EFCAB11: variants seen among roughly 807,000 people sequenced by gnomAD.
EFCAB11 encodes EF-hand calcium binding domain 11.
In EFCAB11, 14 loss-of-function variants were observed where a neutral mutation model predicts 23.0. The observed-to-expected ratio is 0.61, with a 90% confidence interval of 0.40 to 0.95. The LOEUF is 0.95. Ranked by LOEUF, EFCAB11 falls within the 40% of genes least tolerant of loss-of-function variation. The pLI, the probability that EFCAB11 is intolerant of heterozygous loss-of-function variation, is 0.00. For missense variants in EFCAB11, 198 were observed against 195.8 expected (o/e 1.01, Z -0.07); for synonymous variants, 65 against 66.6 (o/e 0.98, Z 0.11).
chr14:89,938,766 A>G (rs1431433381), intron 3 of EFCAB11, among the ~76,000 whole-genome samples: 1 of 151,946 alleles, frequency 6.6e-6, no homozygotes, highest in Non-Finnish European at 1.5e-5. Flanking sequence ...TACTAAAAAC[A>G]CAAAAACTAG....
intron 5 of EFCAB11, among the ~76,000 whole-genome samples, chr14:89,813,869 G>A (rs1886234732): frequency 6.6e-6 from 1 of 152,074 alleles, no homozygotes; most frequent in African/African-American, 2.4e-5. Flanking sequence ...AGATGTTACG[G>A]GCAGAACTTT....
At chr14:89,930,250 T>G (rs1468380290) in intron 5 of EFCAB11, among the ~76,000 whole-genome samples, 1 of 152,252 alleles carries the variant, frequency 6.6e-6, no homozygotes, top group African/African-American at 2.4e-5. Context: ...TGATAATGAC[T>G]GCAAATCTTC....
intron 5 of EFCAB11, among the ~76,000 whole-genome samples, chr14:89,893,878 C>T (rs28699034): frequency 0.32 from 47,597 of 151,044 alleles, 11,305 homozygotes; most frequent in African/African-American, 0.67. Context: ...ACTATACATA[C>T]ATATACACAG....
In EFCAB11 at chr14:89,861,875, G is replaced by A. The variant is rs148821409; in HGVS notation, c.411-64551C>T. On this transcript the variant is annotated intron_variant, in intron 5 of 5. Coordinates refer to ENST00000316738, the MANE Select transcript of EFCAB11 (RefSeq NM_145231.4). The stretch of plus-strand genomic sequence containing the variant: ...TGGACTTCCCAGCCTCTAGAACTGT[G>A]AGAAATAAATTTCTTTTCTTTATAC... Among the ~76,000 whole-genome samples, 608 of 152,292 alleles carry A rather than the reference G, an allele frequency of 4.0e-3. 5 individuals are homozygous for A. The highest frequency in any genetic ancestry group is 0.014 in the African/African-American group (580 of 41,546).
intron 5 of EFCAB11, among the ~76,000 whole-genome samples, chr14:89,930,204 G>C (rs1371289428): frequency 6.6e-6 from 1 of 152,176 alleles, no homozygotes; most frequent in Non-Finnish European, 1.5e-5. Context: ...GCTTGTCAAT[G>C]ATGCAGCAAA....
chr14:89,902,834 C>T (rs1889383726), intron 5 of EFCAB11, among the ~76,000 whole-genome samples: 1 of 152,164 alleles, frequency 6.6e-6, no homozygotes, highest in Admixed American at 6.5e-5. Context: ...TAATTATATT[C>T]TGTTACTAAA....
chr14:89,903,994 T>C (rs934921065), intron 5 of EFCAB11, among the ~76,000 whole-genome samples: 1 of 152,164 alleles, frequency 6.6e-6, no homozygotes, highest in African/African-American at 2.4e-5. Flanking sequence ...TAATTATTAT[T>C]ATACTTTAAG....
intron 3 of EFCAB11, among the ~76,000 whole-genome samples, chr14:89,948,915 G>A (rs1414624539): frequency 6.6e-6 from 1 of 151,778 alleles, no homozygotes; most frequent in Non-Finnish European, 1.5e-5. Flanking sequence ...CCTAGTATTT[G>A]ATAGTACAGA....
chr14:89,816,461 T>C (rs1886340669), intron 5 of EFCAB11, among the ~76,000 whole-genome samples: 1 of 152,216 alleles, frequency 6.6e-6, no homozygotes. Flanking sequence ...AGAAATATGT[T>C]CTTCTCATAA....
chr14:89,814,066 G>A (rs1349276908), intron 5 of EFCAB11, among the ~76,000 whole-genome samples: 1 of 140,060 alleles, frequency 7.1e-6, no homozygotes, highest in African/African-American at 2.6e-5. Context: ...AGCTCCCTGG[G>A]GGGAGAAAAA....
chr14:89,811,421 ATGTGCTATCCC>A (rs1886147759), intron 5 of EFCAB11, among the ~76,000 whole-genome samples: 1 of 152,180 alleles, frequency 6.6e-6, no homozygotes, highest in Admixed American at 6.5e-5. Context: ...AAAGGTATCC[ATGTGCTATCCC>A]CAGCACCTGT....
At chr14:89,877,298 A>G (rs1401965842) in intron 5 of EFCAB11, among the ~76,000 whole-genome samples, 1 of 152,084 alleles carries the variant, frequency 6.6e-6, no homozygotes, top group Admixed American at 6.5e-5. Context: ...TCGGCCTCCC[A>G]AAGTGCTAGG....
At chr14:89,839,562 G>A (rs1221908358) in intron 5 of EFCAB11, among the ~76,000 whole-genome samples, 1 of 152,054 alleles carries the variant, frequency 6.6e-6, no homozygotes, top group Non-Finnish European at 1.5e-5. Flanking sequence ...AAAACAAGAG[G>A]GAAACAAGTG....
At chr14:89,835,585 C>CGTGTGTGTGTGTGTGTGTGTGTGTGT (rs67831579) in intron 5 of EFCAB11, among the ~76,000 whole-genome samples, 15 of 93,394 alleles carry the variant, frequency 1.6e-4, no homozygotes, top group East Asian at 7.0e-4. Context: ...GGATGCTCAA[C>CGTGTGTGTGTGTGTGTGTGTGTGTGT]GTGTGTGTGT....
At chr14:89,915,709 A>T (rs1889819199) in intron 5 of EFCAB11, among the ~76,000 whole-genome samples, 2 of 152,196 alleles carry the variant, frequency 1.3e-5, no homozygotes, top group South Asian at 4.1e-4. Flanking sequence ...CACCAAAGTT[A>T]ATTTGATTTA....
At chr14:89,948,827 A>G (rs900125739) in intron 3 of EFCAB11, among the ~76,000 whole-genome samples, 1 of 152,042 alleles carries the variant, frequency 6.6e-6, no homozygotes, top group African/African-American at 2.4e-5. Flanking sequence ...TGGTTACCAG[A>G]GGCTGGGAAG....
At chr14:89,904,957 T>C (rs1443626162) in intron 5 of EFCAB11, among the ~76,000 whole-genome samples, 2 of 152,040 alleles carry the variant, frequency 1.3e-5, no homozygotes, top group African/African-American at 2.4e-5. Context: ...ACCCCTCAGG[T>C]TTTGAGATTT....
rs1243964244 is a variant in EFCAB11 at position 89,797,188 on chromosome 14, G to C, written c.*55C>G. 1 of 1,491,662 alleles carries C rather than the reference G, an allele frequency of 6.7e-7. No homozygotes were observed. Among genetic ancestry groups the C allele is most frequent in the Non-Finnish European group, 9.3e-7 (1 of 1,078,232 alleles). The allele number at this position is 1,491,662 out of a possible 1,614,324, so 92.4% of individuals were successfully genotyped here. A position where few individuals can be genotyped will look rare whatever the true frequency, so the allele number is the denominator to read the frequency against. On this transcript the variant is annotated 3_prime_UTR_variant, in exon 6 of 6. Transcript: ENST00000316738. ...TGACATCATTAGTAGAGTCGAGTCTGCTGACATTACAATCTATTGATCTCC... is the reference window on the plus strand; with the variant it reads ...TGACATCATTAGTAGAGTCGAGTCTCCTGACATTACAATCTATTGATCTCC...
At chr14:89,813,326 C>A (rs1596377998) in intron 5 of EFCAB11, among the ~76,000 whole-genome samples, 1 of 151,940 alleles carries the variant, frequency 6.6e-6, no homozygotes, top group African/African-American at 2.4e-5. Context: ...GGAACAGCTC[C>A]TAAGAAGATA....
Sources: allele counts gnomAD v4.1 joint callset (sites outside exome capture counted in the v4.1 genomes callset), GRCh38; gene constraint gnomAD v4.1.1; transcripts MANE v1.5; gene names NCBI Gene and HGNC (gene_info 2026-07-23, HGNC 2026-07-21).